LAMA2: variants seen among roughly 807,000 people sequenced by gnomAD.
The protein encoded by LAMA2 is laminin subunit alpha 2, also known as laminin subunit alpha-2.
In LAMA2, 269 loss-of-function variants were observed where a neutral mutation model predicts 364.8. The ratio of observed to expected loss-of-function variants is 0.74; its 90% CI spans 0.67 to 0.82. The LOEUF (loss-of-function observed/expected upper bound fraction) is 0.82, where lower values mean the gene tolerates loss of function less well. Among genes scored for constraint, LAMA2 ranks in the 40% least tolerant of loss-of-function variants. LAMA2 has a pLI of 0.00. For missense variants in LAMA2, 3,807 were observed against 3,873.2 expected (o/e 0.98, Z 0.45); for synonymous variants, 1,379 against 1,370.6 (o/e 1.01, Z -0.14).
At chr6:128,931,208 G>T (rs1761850213) in intron 1 of LAMA2, among the ~76,000 whole-genome samples, 1 of 152,120 alleles carries the variant, frequency 6.6e-6, no homozygotes, top group African/African-American at 2.4e-5. Flanking sequence ...TATCATAAAG[G>T]ATACAGGTAA....
At chr6:128,996,785 C>T (rs1046639967) in intron 1 of LAMA2, among the ~76,000 whole-genome samples, 1 of 152,166 alleles carries the variant, frequency 6.6e-6, no homozygotes, top group Admixed American at 6.5e-5. Flanking sequence ...GGTATTTATC[C>T]AAAGGATTAT....
chr6:129,137,864 C>T (rs2114948521), intron 4 of LAMA2, among the ~76,000 whole-genome samples: 1 of 151,894 alleles, frequency 6.6e-6, no homozygotes, highest in Admixed American at 6.6e-5. Context: ...CCTCATTGAA[C>T]TTAAATCTAG....
At chr6:129,433,394 T>C (rs1221141064) in intron 41 of LAMA2, among the ~76,000 whole-genome samples, 3 of 152,186 alleles carry the variant, frequency 2.0e-5, no homozygotes, top group Non-Finnish European at 4.4e-5. Flanking sequence ...CTCAAGATCC[T>C]GCACTGGGTA....
intron 59 of LAMA2, 130 bp from the exon 60 acceptor site, chr6:129,502,961 G>A: frequency 1.0e-6 from 1 of 964,056 alleles, no homozygotes; most frequent in South Asian, 1.4e-5. Context: ...TCAGTAGCCT[G>A]ATAAAGTCCT....
At chr6:129,468,010 C>T (rs145994240) in intron 51 of LAMA2, among the ~76,000 whole-genome samples, 19 of 151,908 alleles carry the variant, frequency 1.3e-4, no homozygotes, top group African/African-American at 4.6e-4. Flanking sequence ...GTTTCTAGTT[C>T]AATCCCTTTG....
chr6:129,077,988 G>T (rs371505718), intron 3 of LAMA2, among the ~76,000 whole-genome samples: 2 of 152,244 alleles, frequency 1.3e-5, no homozygotes, highest in East Asian at 1.9e-4. Flanking sequence ...GAGTGAAGCC[G>T]AATGTAAACT....
chr6:129,349,302 A>T lies in LAMA2; in HGVS notation c.4441A>T (p.Ser1481Cys). 1 of 1,613,036 alleles carries T rather than the reference A, an allele frequency of 6.2e-7. No homozygotes were observed. Among genetic ancestry groups the T allele is most frequent in the Non-Finnish European group, 8.5e-7 (1 of 1,179,136 alleles). The part of the protein sequence containing the change: ...CPLISSSNNF[S>C]PSCVAEGLDD... ...ATCCTTTTCTTTCTGATTCAGTTTC[A>T]GCCCCTCTTGTGTCGCAGAAGGACT... The change falls in exon 31 of 65, where the codon AGC (serine) becomes TGC (cysteine). Residue 1481 changes from serine (S) to cysteine (C), a missense_variant. By Grantham distance (112) the Ser-to-Cys change is moderately radical. Coordinates refer to ENST00000421865, the MANE Select transcript of LAMA2 (RefSeq NM_000426.4).
At chr6:129,301,860 C>A (rs763748327) in intron 22 of LAMA2, among the ~76,000 whole-genome samples, 1 of 152,132 alleles carries the variant, frequency 6.6e-6, no homozygotes, top group Non-Finnish European at 1.5e-5. Flanking sequence ...CCAATTTCTA[C>A]AACTTCTGAA....
At chr6:129,006,163 C>G (rs1375036315) in intron 1 of LAMA2, among the ~76,000 whole-genome samples, 3 of 152,026 alleles carry the variant, frequency 2.0e-5, no homozygotes, top group Non-Finnish European at 4.4e-5. Context: ...ATGTTAGAAG[C>G]AAATATCACA....
At position 129,366,225 on chromosome 6, in the gene LAMA2, G is replaced by T; in HGVS notation, c.4724G>T (p.Gly1575Val). ...AREGWECVFCGDECTGLLLGD... is the reference protein window; with the variant it reads ...AREGWECVFCVDECTGLLLGD... ...TGTCACTTCTCTTTCACAGTTTGTG[G>T]AGATGAGTGCACTGGCCTTCTTCTC... Residue 1575 changes from glycine (G) to valine (V), a missense_variant, in exon 33 of 65, where the codon GGA (glycine) becomes GTA (valine). Physicochemically the swap from Gly to Val is moderately radical, Grantham distance 109 (BLOSUM62 -3). Transcript: ENST00000421865. The T allele has an allele frequency of 5.6e-6, 9 of 1,613,726 alleles. No homozygotes were observed. The highest frequency in any genetic ancestry group is 7.6e-6 in the Non-Finnish European group (9 of 1,179,938).
At chr6:129,012,444 T>C (rs559929226) in intron 1 of LAMA2, among the ~76,000 whole-genome samples, 1 of 152,342 alleles carries the variant, frequency 6.6e-6, no homozygotes, top group South Asian at 2.1e-4. Context: ...TATTAAGTTA[T>C]AATTATTTAT....
intron 49 of LAMA2, among the ~76,000 whole-genome samples, chr6:129,463,053 AAAGT>A (rs1252408863): frequency 2.0e-5 from 3 of 152,132 alleles, no homozygotes; most frequent in South Asian, 2.1e-4. Flanking sequence ...CATTAAGATT[AAAGT>A]AAGGGGAAAA....
intron 1 of LAMA2, among the ~76,000 whole-genome samples, chr6:128,949,249 A>C (rs1780662783): frequency 1.3e-5 from 2 of 152,110 alleles, no homozygotes; most frequent in African/African-American, 4.8e-5. Context: ...GTCAAAATGC[A>C]CTTTTGGTTC....
chr6:129,314,872 G>A (rs1774480715), intron 24 of LAMA2, 74 bp downstream of exon 24: 4 of 1,527,184 alleles, frequency 2.6e-6, no homozygotes, highest in Non-Finnish European at 3.6e-6. Context: ...CAGGCACTGA[G>A]GGGTAGTAGA....
At chr6:129,265,364 C>A (rs1011835846) in intron 15 of LAMA2, among the ~76,000 whole-genome samples, 1 of 152,102 alleles carries the variant, frequency 6.6e-6, no homozygotes, top group Admixed American at 6.6e-5. Context: ...ATGAGTACTG[C>A]ATTTGCAGAG....
At chr6:129,461,362 A>G (rs1783248288) in intron 49 of LAMA2, among the ~76,000 whole-genome samples, 1 of 151,984 alleles carries the variant, frequency 6.6e-6, no homozygotes, top group African/African-American at 2.4e-5. Flanking sequence ...TTAACTTCCA[A>G]CTCTTTGTTT....
chr6:129,244,913 G>A (rs558214574), intron 12 of LAMA2, among the ~76,000 whole-genome samples: 1 of 152,172 alleles, frequency 6.6e-6, no homozygotes, highest in Non-Finnish European at 1.5e-5. Flanking sequence ...ATATTGCATA[G>A]TAACTATAAT....
At chr6:128,917,070 A>G (rs1176596194) in intron 1 of LAMA2, among the ~76,000 whole-genome samples, 3 of 151,122 alleles carry the variant, frequency 2.0e-5, no homozygotes, top group Non-Finnish European at 4.4e-5. Flanking sequence ...TTTTTCTTTC[A>G]TTCTCTTTGT....
At chr6:129,075,892 C>T (rs1773602035) in intron 3 of LAMA2, among the ~76,000 whole-genome samples, 1 of 151,794 alleles carries the variant, frequency 6.6e-6, no homozygotes, top group Admixed American at 6.6e-5. Context: ...TATTCGAGAC[C>T]AGCAACCAGC....
Sources: gnomAD v4.1 joint callset for allele counts (sites outside exome capture counted in the v4.1 genomes callset) on GRCh38, gnomAD v4.1.1 for gene constraint, MANE v1.5 for transcripts, NCBI Gene and HGNC (gene_info 2026-07-23, HGNC 2026-07-21) for gene names.